Variants in FGF12 observed in about 807,000 individuals in gnomAD.
FGF12 encodes fibroblast growth factor 12B.
FGF12 carries 14 observed loss-of-function variants against 23.6 expected under a neutral mutation model. That is an observed-to-expected ratio of 0.59 (90% CI 0.39 to 0.93). The LOEUF (loss-of-function observed/expected upper bound fraction) is 0.93, where lower values mean the gene tolerates loss of function less well. FGF12 is among the 40% of genes least tolerant of loss of function. The probability of loss-of-function intolerance (pLI) is 0.00; values close to 1 mark genes in which losing one functional copy is unlikely to be tolerated. For synonymous variants in FGF12, 62 were observed against 77.3 expected (o/e 0.80, Z 1.04); for missense variants, 175 against 217.8 (o/e 0.80, Z 1.24).
chr3:192,217,148 A>G (rs1021719400), intron 4 of FGF12, among the ~76,000 whole-genome samples: 2 of 152,148 alleles, frequency 1.3e-5, no homozygotes, highest in Non-Finnish European at 1.5e-5. Context: ...AAGTCAATTA[A>G]CCACACAAGG....
At position 192,253,080 on chromosome 3, in the gene FGF12, C is replaced by T. The variant is rs569016212; in HGVS notation, c.228+82281G>A. 3.3e-5 allele frequency among the ~76,000 whole-genome samples: 5 copies of T among 152,160 alleles called. No homozygotes were observed. In the South Asian group the frequency reaches 1.0e-3, roughly 32 times the overall value. On this transcript the variant is annotated intron_variant, in intron 4 of 5. Transcript: ENST00000445105. ...ATGGCATATAAAATGTATCAAAAAT[C>T]GTTGGATCTCTCTACTTTTCACTGA...
In FGF12 at chr3:192,142,952, A is replaced by G. The variant is rs1713482269; in HGVS notation, c.*1057T>C. 1.3e-5 allele frequency: 2 copies of G among 152,066 alleles called. No homozygotes were observed. Among genetic ancestry groups the G allele is most frequent in the East Asian group, 1.9e-4 (1 of 5,186 alleles). 9.4% of individuals were successfully genotyped at this position (152,066 alleles called of 1,614,324 possible). A position where few individuals can be genotyped will look rare whatever the true frequency, so the allele number is the denominator to read the frequency against. On this transcript the variant is annotated 3_prime_UTR_variant, in exon 6 of 6. Coordinates refer to ENST00000445105, the MANE Select transcript of FGF12 (RefSeq NM_004113.6). Reference sequence around the variant, plus strand: ...GTGGTAAGGTACAAACGCAAATGCAATTTGCGTTGACTAATTTCCTAGGAC... The same window carrying G: ...GTGGTAAGGTACAAACGCAAATGCAGTTTGCGTTGACTAATTTCCTAGGAC...
At position 192,409,940 on chromosome 3, in the gene FGF12, G is replaced by A. The variant is rs1721138574; in HGVS notation, c.14-49402C>T. Among the ~76,000 whole-genome samples, 1 of 151,788 alleles carries A rather than the reference G, an allele frequency of 6.6e-6. No individual in the cohort carries two copies. The highest frequency in any genetic ancestry group is 1.5e-5 in the Non-Finnish European group (1 of 67,882). ...CCGCCGCCTCCCCAGGCCCGGGAGG[G>A]GGCGCTCAGGGTGGAGTCCCATTCA... On this transcript the variant is annotated intron_variant, in intron 2 of 5. Coordinates refer to ENST00000445105, the MANE Select transcript of FGF12 (RefSeq NM_004113.6). This position sits in a 1 kb window ranked among gnomAD's most constrained non-coding sequence, Gnocchi z 4.8.
rs1399748234 is a variant in FGF12 at position 192,672,631 on chromosome 3, A to C, written c.13+54550T>G. Among the ~76,000 whole-genome samples the C allele has an allele frequency of 3.3e-5, 5 of 151,180 alleles. 1 individual carries two copies. The highest frequency in any genetic ancestry group is 5.9e-5 in the Non-Finnish European group (4 of 67,558). ...CACAAACAAGCTTCTTTAAAAGCAAAAGAGCACAAGAGTAGACTGTGTGGG... is the reference window on the plus strand; with the variant it reads ...CACAAACAAGCTTCTTTAAAAGCAACAGAGCACAAGAGTAGACTGTGTGGG... On this transcript the variant is annotated intron_variant, in intron 2 of 5. Transcript: ENST00000445105.
At chr3:192,407,620 C>T (rs73193594) in intron 2 of FGF12, among the ~76,000 whole-genome samples, 1 of 151,732 alleles carries the variant, frequency 6.6e-6, no homozygotes, top group African/African-American at 2.4e-5. Flanking sequence ...CAGTGGGCAG[C>T]GTAAGTACTG....
Position 192,574,862 on chromosome 3 carries a change from C to G in FGF12, c.13+152319G>C, listed in dbSNP as rs562776564. Among the ~76,000 whole-genome samples the G allele has an allele frequency of 4.6e-5, 7 of 152,326 alleles. 1 individual carries two copies. In the East Asian group the frequency reaches 1.3e-3, roughly 29 times the overall value. On this transcript the variant is annotated intron_variant, in intron 2 of 5. Transcript: ENST00000445105. The stretch of plus-strand genomic sequence containing the variant: ...CTTAACAGCAATCTCATGAGAGACC[C>G]TGAACCAGAGCCACCCAGCTAAGCC...
At chr3:192,508,701 A>T (rs186241580) in intron 2 of FGF12, among the ~76,000 whole-genome samples, 1 of 152,170 alleles carries the variant, frequency 6.6e-6, no homozygotes, top group South Asian at 2.1e-4. Flanking sequence ...TTCTTTTTAT[A>T]TCTTTATCTT....
intron 5 of FGF12, among the ~76,000 whole-genome samples, chr3:192,163,281 T>A (rs946896327): frequency 1.3e-5 from 2 of 152,132 alleles, no homozygotes; most frequent in Non-Finnish European, 2.9e-5. Flanking sequence ...TGATTTCTAT[T>A]AGGTTGCTCT....
At chr3:192,478,321 C>G (rs1386982214) in intron 2 of FGF12, among the ~76,000 whole-genome samples, 1 of 152,092 alleles carries the variant, frequency 6.6e-6, no homozygotes. Context: ...TACTTATAGT[C>G]TTACAGCTAA....
In FGF12 at chr3:192,663,426, G is replaced by C. The variant is rs138673043; in HGVS notation, c.13+63755C>G. ...TAGAATCTCAATAAATGGGGTCCAA[G>C]GCTGGTGGGTGACTTGTTCTCAGGT... On this transcript the variant is annotated intron_variant, in intron 2 of 5. Coordinates refer to ENST00000445105, the MANE Select transcript of FGF12 (RefSeq NM_004113.6). 1.2e-3 allele frequency among the ~76,000 whole-genome samples: 177 copies of C among 152,246 alleles called. 1 individual carries two copies. The highest frequency in any genetic ancestry group is 4.1e-3 in the African/African-American group (171 of 41,546).
At chr3:192,235,905 G>T (rs1484341041) in intron 4 of FGF12, among the ~76,000 whole-genome samples, 1 of 151,948 alleles carries the variant, frequency 6.6e-6, no homozygotes, top group South Asian at 2.1e-4. Flanking sequence ...GCTAGCTTTG[G>T]GGTTGGGTTA....
At chr3:192,507,384 C>T (rs1008312571) in intron 2 of FGF12, among the ~76,000 whole-genome samples, 2 of 147,080 alleles carry the variant, frequency 1.4e-5, no homozygotes, top group East Asian at 4.0e-4. Flanking sequence ...CACACACATA[C>T]AAGCACACAG....
rs142740448 is a variant in FGF12, at chr3:192,497,897, T to C, written c.14-137359A>G. 3.9e-3 allele frequency among the ~76,000 whole-genome samples: 587 copies of C among 152,290 alleles called. 3 individuals are homozygous for C. Among genetic ancestry groups the C allele is most frequent in the African/African-American group, 0.014 (571 of 41,558 alleles). ...ATTGTTTTACTTCTGCACTAGAAAA[T>C]AAGCTTTCAAAATCAACATTATTTG... On this transcript the variant is annotated intron_variant, in intron 2 of 5. Coordinates refer to ENST00000445105, the MANE Select transcript of FGF12 (RefSeq NM_004113.6).
At position 192,317,395 on chromosome 3, in the gene FGF12, G is replaced by A. The variant is rs1029793113; in HGVS notation, c.228+17966C>T. On this transcript the variant is annotated intron_variant, in intron 4 of 5. Coordinates refer to ENST00000445105, the MANE Select transcript of FGF12 (RefSeq NM_004113.6). ...CCAGCCCTGGCAACGTTCACCACAA[G>A]CTGACTGAGGAGCCCTTGGACATTG... Among the ~76,000 whole-genome samples, 8 of 152,096 alleles carry A rather than the reference G, an allele frequency of 5.3e-5. No homozygotes were observed. The East Asian group carries it at 7.8e-4, about 15-fold the overall frequency.
chr3:192,697,764 G>A (rs1286764112), intron 2 of FGF12, among the ~76,000 whole-genome samples: 1 of 152,108 alleles, frequency 6.6e-6, no homozygotes, highest in Non-Finnish European at 1.5e-5. Context: ...TTGATGCTTT[G>A]CAAATATGCC....
chr3:192,459,158 A>C (rs887880423), intron 2 of FGF12, among the ~76,000 whole-genome samples: 7 of 152,200 alleles, frequency 4.6e-5, no homozygotes, highest in African/African-American at 1.7e-4. Context: ...AGGCTAATAC[A>C]TGCAGAGACT....
At chr3:192,157,773 A>G (rs1221177025) in intron 5 of FGF12, among the ~76,000 whole-genome samples, 1 of 152,254 alleles carries the variant, frequency 6.6e-6, no homozygotes, top group Non-Finnish European at 1.5e-5. Context: ...CACAGCTATA[A>G]TAAACCGGGT....
At chr3:192,329,689 G>A (rs1717007132) in intron 4 of FGF12, among the ~76,000 whole-genome samples, 1 of 152,106 alleles carries the variant, frequency 6.6e-6, no homozygotes, top group Non-Finnish European at 1.5e-5. Context: ...GAAAATTTAG[G>A]TGGTCTTACA....
chr3:192,263,683 A>C (rs6765053), intron 4 of FGF12, among the ~76,000 whole-genome samples: 4,160 of 152,170 alleles, frequency 0.027, 136 homozygotes, highest in African/African-American at 0.084. Context: ...GATTTAAACA[A>C]AACAATGAAA....
Sources: gnomAD v4.1 joint callset for allele counts (sites outside exome capture counted in the v4.1 genomes callset) on GRCh38, gnomAD v4.1.1 for gene constraint, Gnocchi (gnomAD v3.1) non-coding constraint, MANE v1.5 for transcripts, NCBI Gene and HGNC (gene_info 2026-07-23, HGNC 2026-07-21) for gene names.